The following SYNE1 variants were observed in gnomAD, a reference collection of about 807,000 sequenced individuals.
SYNE1 encodes spectrin repeat containing nuclear envelope protein 1.
In SYNE1, 616 loss-of-function variants were observed where a neutral mutation model predicts 1,111.0. The ratio of observed to expected loss-of-function variants is 0.55; its 90% CI spans 0.52 to 0.59. The LOEUF (loss-of-function observed/expected upper bound fraction) is 0.59, where lower values mean the gene tolerates loss of function less well. Ranked by LOEUF, SYNE1 falls within the 20% of genes least tolerant of loss-of-function variation. SYNE1 has a pLI of 0.00. For synonymous variants in SYNE1, 3,855 were observed against 3,825.8 expected, an observed-to-expected ratio of 1.01 and a Z score of -0.28; for missense variants, 10,006 against 10,417.0, an observed-to-expected ratio of 0.96 and a Z score of 1.72.
chr6:152,255,349 A>T (rs1158575369), intron 103 of SYNE1, among the ~76,000 whole-genome samples: 1 of 152,226 alleles, frequency 6.6e-6, no homozygotes, highest in Non-Finnish European at 1.5e-5. Context: ...TGTGTTTCGT[A>T]TTTGGAAGAT....
rs34429222 is a variant in SYNE1 at position 152,420,049 on chromosome 6, A to G, written c.5268-327T>C. Among the ~76,000 whole-genome samples, 2,823 of 152,310 alleles carry G rather than the reference A, an allele frequency of 0.019. 70 individuals carry two copies. The highest frequency in any genetic ancestry group is 0.023 in the Non-Finnish European group (1,576 of 68,026). On this transcript the variant is annotated intron_variant, in intron 39 of 145. Transcript: ENST00000367255. ...GAAATTCCTGTAATTCTGATGCCTT[A>G]GTATATGTTATCAGTAATAATTATC...
At chr6:152,205,449 G>A (rs943111208) in intron 126 of SYNE1, among the ~76,000 whole-genome samples, 10 of 152,182 alleles carry the variant, frequency 6.6e-5, no homozygotes, top group East Asian at 1.9e-4. Context: ...CCACTCTACC[G>A]ATGAGGAAAC....
chr6:152,339,294 A>G lies in SYNE1; in HGVS notation c.12298T>C (p.Ser4100Pro). 1 of 1,614,046 alleles carries G rather than the reference A, an allele frequency of 6.2e-7. No individual in the cohort carries two copies. Reference sequence around the variant, plus strand: ...GCTGTGGTTTTCACCGAAGCATTTGACAGGTCACACATGGAGCAAAGGAGA... The same window carrying G: ...GCTGTGGTTTTCACCGAAGCATTTGGCAGGTCACACATGGAGCAAAGGAGA... ...LDLLCSMCDL[S>P]NASVKTTAKD... Residue 4100 changes from serine (S) to proline (P), a missense_variant, in exon 75 of 146, where the codon TCA (serine) becomes CCA (proline). Physicochemically the swap from Ser to Pro is moderately conservative, Grantham distance 74. Around this residue, in one of 7 missense-constraint regions of SYNE1, gnomAD observed 4,955 missense variants for 5,017.2 expected, o/e 0.99. Coordinates refer to ENST00000367255, the MANE Select transcript of SYNE1 (RefSeq NM_182961.4).
chr6:152,337,644 C>T (rs892671048), intron 75 of SYNE1, among the ~76,000 whole-genome samples: 28 of 152,112 alleles, frequency 1.8e-4, no homozygotes, highest in African/African-American at 6.5e-4. Context: ...GATGGTTTTT[C>T]CCATTGGGCA....
chr6:152,280,798 GCA>G (rs756743476), intron 97 of SYNE1, among the ~76,000 whole-genome samples: 7 of 152,256 alleles, frequency 4.6e-5, no homozygotes, highest in Non-Finnish European at 1.0e-4. Context: ...AGAAAAACTT[GCA>G]TATGGCTAAT....
chr6:152,458,851 G>A lies in SYNE1; in HGVS notation c.2474C>T (p.Thr825Met), dbSNP rs777634676. The A allele has an allele frequency of 1.9e-5, 30 of 1,613,928 alleles. No individual in the cohort carries two copies. The highest frequency in any genetic ancestry group is 4.5e-5 in the East Asian group (2 of 44,880). ...IPLEELEKQM[T>M]SFYDSLGKIN... ...TTTCCCAAGTGAGTCATAAAAGGAC[G>A]TCATCTGCTTTTCTAATTCCTCCAA... The change falls in exon 22 of 146, where the codon ACG becomes ATG. Residue 825 changes from threonine to methionine, a missense_variant. By Grantham distance (81) the Thr-to-Met change is moderately conservative. Around this residue, in one of 7 missense-constraint regions of SYNE1, gnomAD observed 1,971 missense variants for 2,084.1 expected, o/e 0.95. Coordinates refer to ENST00000367255, the MANE Select transcript of SYNE1 (RefSeq NM_182961.4).
At chr6:152,143,103 T>C (rs2058809613) in intron 138 of SYNE1, among the ~76,000 whole-genome samples, 1 of 152,216 alleles carries the variant, frequency 6.6e-6, no homozygotes, top group Admixed American at 6.5e-5. Context: ...ACTGGTAGTA[T>C]ATCCAATGCC....
At position 152,414,686 on chromosome 6, in the gene SYNE1, G is replaced by C. The variant is rs150553106; in HGVS notation, c.6051-1155C>G. Among the ~76,000 whole-genome samples the C allele has an allele frequency of 1.1e-4, 17 of 152,254 alleles. 2 individuals are homozygous for C. The highest frequency in any genetic ancestry group is 4.1e-4 in the African/African-American group (17 of 41,546). ...TGCACCCGATGTGTGACTTTGGTGA[G>C]TGCAGTGTTGTGGGTACTGATGTGG... is the stretch of plus-strand genomic sequence containing the variant. On this transcript the variant is annotated intron_variant, in intron 41 of 145. Coordinates refer to ENST00000367255, the MANE Select transcript of SYNE1 (RefSeq NM_182961.4).
At chr6:152,235,613 A>T (rs1191522614) in intron 110 of SYNE1, among the ~76,000 whole-genome samples, 1 of 152,152 alleles carries the variant, frequency 6.6e-6, no homozygotes, top group African/African-American at 2.4e-5. Context: ...TGCCCGCCTC[A>T]GCCTCCCAAA....
At chr6:152,457,977 T>G (rs905750063) in intron 22 of SYNE1, among the ~76,000 whole-genome samples, 1 of 150,910 alleles carries the variant, frequency 6.6e-6, no homozygotes, top group African/African-American at 2.4e-5. Context: ...ATAAGTTTTA[T>G]ACATATAAAA....
chr6:152,153,289 C>T (rs1251953409), intron 133 of SYNE1, among the ~76,000 whole-genome samples: 1 of 152,154 alleles, frequency 6.6e-6, no homozygotes, highest in African/African-American at 2.4e-5. Flanking sequence ...CTGGAAGTCC[C>T]AGTACATGTT....
intron 115 of SYNE1, among the ~76,000 whole-genome samples, chr6:152,228,210 T>C (rs2082031125): frequency 2.0e-5 from 3 of 152,208 alleles, no homozygotes; most frequent in African/African-American, 7.2e-5. Context: ...TTGTGATTTA[T>C]TTATATGCGT....
intron 95 of SYNE1, among the ~76,000 whole-genome samples, chr6:152,285,639 G>A (rs954095715): frequency 6.6e-6 from 1 of 152,094 alleles, no homozygotes; most frequent in Non-Finnish European, 1.5e-5. Context: ...TGAACATGCT[G>A]TTCCCTCAAC....
chr6:152,240,491 G>C (rs563239969), intron 107 of SYNE1, among the ~76,000 whole-genome samples: 2 of 152,022 alleles, frequency 1.3e-5, no homozygotes, highest in Admixed American at 6.6e-5. Context: ...TAGGCCTTGC[G>C]CCATCCTACT....
intron 81 of SYNE1, among the ~76,000 whole-genome samples, chr6:152,324,528 T>A (rs1221708850): frequency 1.3e-5 from 2 of 152,176 alleles, no homozygotes; most frequent in Non-Finnish European, 2.9e-5. Flanking sequence ...GCGCGGTGGC[T>A]CACGCCTGTA....
intron 39 of SYNE1, among the ~76,000 whole-genome samples, chr6:152,422,916 A>G (rs575826660): frequency 1.3e-5 from 2 of 152,350 alleles, no homozygotes; most frequent in African/African-American, 4.8e-5. Flanking sequence ...GAAGGAAATC[A>G]AAATATTTTA....
chr6:152,423,565 C>A (rs1412412015), intron 39 of SYNE1, among the ~76,000 whole-genome samples: 1 of 152,184 alleles, frequency 6.6e-6, no homozygotes, highest in Non-Finnish European at 1.5e-5. Context: ...TGGCTTCCTC[C>A]CTCCCACCTT....
chr6:152,171,294 G>A (rs550473364), intron 130 of SYNE1, among the ~76,000 whole-genome samples: 18 of 152,316 alleles, frequency 1.2e-4, no homozygotes, highest in South Asian at 2.1e-4. Context: ...GCTGAAGCCC[G>A]AAGCCAATGC....
chr6:152,347,070 T>C lies in SYNE1; in HGVS notation c.12067A>G (p.Thr4023Ala). ...CTGGGGGCACTCACCCTCTGAGCTGTGCTGCAGATCGCTGAGTAGCTGTCC... is the reference window on the plus strand; with the variant it reads ...CTGGGGGCACTCACCCTCTGAGCTGCGCTGCAGATCGCTGAGTAGCTGTCC... ...TKDSYSAICS[T>A]AQRMYQSLEH... The change falls in exon 73 of 146, where the codon ACA (threonine) becomes GCA (alanine). Residue 4023 changes from threonine to alanine, a missense_variant. By Grantham distance (58) the Thr-to-Ala change is moderately conservative. This residue lies in a region of SYNE1 where 4,955 missense variants were observed against 5,017.2 expected (regional missense o/e 0.99). Coordinates refer to ENST00000367255, the MANE Select transcript of SYNE1 (RefSeq NM_182961.4). 1 of 1,614,232 alleles carries C rather than the reference T, an allele frequency of 6.2e-7. No individual in the cohort carries two copies. Among genetic ancestry groups the C allele is most frequent in the Non-Finnish European group, 8.5e-7 (1 of 1,180,036 alleles).
Sources: gnomAD v4.1 joint callset for allele counts (sites outside exome capture counted in the v4.1 genomes callset) on GRCh38, gnomAD v4.1.1 for gene constraint, gnomAD v4.1.1 regional missense constraint, MANE v1.5 for transcripts, NCBI Gene and HGNC (gene_info 2026-07-23, HGNC 2026-07-21) for gene names.